Variants in NR2C2 observed in about 807,000 individuals in gnomAD.
NR2C2 encodes the protein Nuclear hormone receptor TR4.
A neutral mutation model predicts 62.9 loss-of-function variants in NR2C2; 6 were observed. That is an observed-to-expected ratio of 0.10 (90% CI 0.05 to 0.19). The LOEUF is 0.19. Among genes scored for constraint, NR2C2 ranks in the 10% least tolerant of loss-of-function variants. The pLI is 1.00. For missense variants in NR2C2, 479 were observed against 762.7 expected, an observed-to-expected ratio of 0.63 and a Z score of 4.38; for synonymous variants, 272 against 273.8, an observed-to-expected ratio of 0.99 and a Z score of 0.07.
rs1159601987 is a variant in NR2C2, at chr3:15,044,402, A to G, written c.*1394A>G. The stretch of plus-strand genomic sequence containing the variant: ...AAAACAACCCTCAATTTCCAGGGTG[A>G]TAGTCTTTCTCCTCATAAATTGTAG... On this transcript the variant is annotated 3_prime_UTR_variant, in exon 14 of 14. Coordinates refer to ENST00000425241, the MANE Select transcript of NR2C2 (RefSeq NM_001291694.2). 2 of 152,124 alleles carry G rather than the reference A, an allele frequency of 1.3e-5. No homozygotes were observed. Among genetic ancestry groups the G allele is most frequent in the African/African-American group, 2.4e-5 (1 of 41,438 alleles). 9.4% of individuals were successfully genotyped at this position (152,124 alleles called of 1,614,324 possible). A position where few individuals can be genotyped will look rare whatever the true frequency, so the allele number is the denominator to read the frequency against.
chr3:14,956,831 G>T (rs868066247), intron 1 of NR2C2, among the ~76,000 whole-genome samples: 1 of 152,222 alleles, frequency 6.6e-6, no homozygotes, highest in East Asian at 1.9e-4. Flanking sequence ...ATGAGCCACC[G>T]CCCCGGCTGT....
chr3:14,995,332 A>C (rs1190848361), intron 1 of NR2C2, among the ~76,000 whole-genome samples: 9 of 151,210 alleles, frequency 6.0e-5, no homozygotes, highest in Non-Finnish European at 4.4e-5. Context: ...AAAAAAAAAA[A>C]AAAAACCCCA....
At chr3:15,040,309 C>T (rs1309210089) in intron 13 of NR2C2, among the ~76,000 whole-genome samples, 1 of 152,224 alleles carries the variant, frequency 6.6e-6, no homozygotes, top group Non-Finnish European at 1.5e-5. Context: ...AACTTCTGAC[C>T]TACCAGAAGC....
intron 13 of NR2C2, 28 bp from the exon 14 acceptor site, chr3:15,042,806 C>G: frequency 6.2e-7 from 1 of 1,605,658 alleles, no homozygotes; most frequent in Non-Finnish European, 8.5e-7. Flanking sequence ...CAAACAGTCT[C>G]CTTTTCTAAT....
intron 1 of NR2C2, among the ~76,000 whole-genome samples, chr3:14,980,138 T>A (rs1361220921): frequency 6.6e-6 from 1 of 151,980 alleles, no homozygotes; most frequent in Admixed American, 6.5e-5. Flanking sequence ...AGATTCCTAC[T>A]CTTTTCCGGC....
intron 1 of NR2C2, among the ~76,000 whole-genome samples, chr3:14,967,207 C>T (rs1017210324): frequency 6.6e-6 from 1 of 151,908 alleles, no homozygotes; most frequent in Non-Finnish European, 1.5e-5. Flanking sequence ...GTAATTTATC[C>T]TCTTTCATTT....
chr3:14,973,749 T>G (rs1386988926), intron 1 of NR2C2, among the ~76,000 whole-genome samples: 1 of 152,226 alleles, frequency 6.6e-6, no homozygotes, highest in Non-Finnish European at 1.5e-5. Context: ...ATTCACAGAT[T>G]TATTTCTGGC....
At chr3:14,979,901 C>A (rs1239130782) in intron 1 of NR2C2, among the ~76,000 whole-genome samples, 1 of 152,030 alleles carries the variant, frequency 6.6e-6, no homozygotes, top group Non-Finnish European at 1.5e-5. Flanking sequence ...AATGACCTAT[C>A]TTTGGGGGTT....
chr3:14,960,998 T>C (rs926022066), intron 1 of NR2C2, among the ~76,000 whole-genome samples: 10 of 152,234 alleles, frequency 6.6e-5, no homozygotes, highest in African/African-American at 2.2e-4. Context: ...GTTTTTACCA[T>C]CTATTAAAAC....
intron 2 of NR2C2, among the ~76,000 whole-genome samples, chr3:15,011,331 T>C (rs1158370109): frequency 6.6e-6 from 1 of 152,072 alleles, no homozygotes; most frequent in African/African-American, 2.4e-5. Flanking sequence ...AAAGCGAGAC[T>C]CTTGTCTCAA....
Position 14,950,493 on chromosome 3 carries a change from C to T in NR2C2, c.-40+2587C>T, listed in dbSNP as rs150877337. 2.0e-3 allele frequency among the ~76,000 whole-genome samples: 310 copies of T among 151,498 alleles called. 4 individuals carry two copies. Among genetic ancestry groups the T allele is most frequent in the Admixed American group, 0.018 (273 of 15,180 alleles). On this transcript the variant is annotated intron_variant, in intron 1 of 13. Coordinates refer to ENST00000425241, the MANE Select transcript of NR2C2 (RefSeq NM_001291694.2). ...TGCTCTAGACACACTGGCCTACCTTCAACTTCCTTGACCAGTGTAGCTTAC... is the reference window on the plus strand; with the variant it reads ...TGCTCTAGACACACTGGCCTACCTTTAACTTCCTTGACCAGTGTAGCTTAC...
chr3:15,036,631 C>T (rs886147104), intron 11 of NR2C2, among the ~76,000 whole-genome samples: 1 of 152,134 alleles, frequency 6.6e-6, no homozygotes, highest in African/African-American at 2.4e-5. Context: ...CTGGGACTTA[C>T]AGGCATGTGC....
At chr3:15,012,250 G>T (rs2041376818) in intron 2 of NR2C2, among the ~76,000 whole-genome samples, 1 of 151,680 alleles carries the variant, frequency 6.6e-6, no homozygotes, top group African/African-American at 2.4e-5. Context: ...TTTGGAGACG[G>T]AGTTTCCCTT....
chr3:14,990,488 C>T (rs980971215), intron 1 of NR2C2, among the ~76,000 whole-genome samples: 2 of 152,178 alleles, frequency 1.3e-5, no homozygotes, highest in African/African-American at 2.4e-5. Context: ...CTTGACCTTC[C>T]GCAGAGCTGG....
rs1011387389 is a variant in NR2C2 at position 15,043,025 on chromosome 3, G to C, written c.*17G>C. Reference sequence around the variant, plus strand: ...AGTCTATAGCGCAAACCACACACCTGCCAAGGAGCAACAGAATCCTTCCAG... The same window carrying C: ...AGTCTATAGCGCAAACCACACACCTCCCAAGGAGCAACAGAATCCTTCCAG... On this transcript the variant is annotated 3_prime_UTR_variant, in exon 14 of 14. Transcript: ENST00000425241. 8 of 1,608,750 alleles carry C rather than the reference G, an allele frequency of 5.0e-6. 1 individual carries two copies. The highest frequency in any genetic ancestry group is 1.7e-5 in the Admixed American group (1 of 59,410).
chr3:14,986,657 TAA>T (rs1330488194), intron 1 of NR2C2, among the ~76,000 whole-genome samples: 2 of 152,234 alleles, frequency 1.3e-5, no homozygotes, highest in Admixed American at 1.3e-4. Flanking sequence ...TCTGATACTT[TAA>T]AAAAGACCTT....
chr3:14,975,623 T>C (rs2040182735), intron 1 of NR2C2, among the ~76,000 whole-genome samples: 1 of 152,218 alleles, frequency 6.6e-6, no homozygotes, highest in Non-Finnish European at 1.5e-5. Context: ...TGCTAGTATT[T>C]TGTTGAGGAT....
intron 1 of NR2C2, among the ~76,000 whole-genome samples, chr3:14,986,610 C>T (rs998629114): frequency 2.0e-5 from 3 of 152,194 alleles, no homozygotes; most frequent in South Asian, 2.1e-4. Flanking sequence ...AGAACATCTC[C>T]TTTCTTGAAA....
At chr3:15,029,792 AATAG>A (rs144596298) in intron 8 of NR2C2, among the ~76,000 whole-genome samples, 15,646 of 138,732 alleles carry the variant, frequency 0.11, 907 homozygotes, top group Admixed American at 0.15. Flanking sequence ...GTAAATAAAT[AATAG>A]ATAGATAGAT....
Sources: gnomAD v4.1 joint callset for allele counts (sites outside exome capture counted in the v4.1 genomes callset) on GRCh38, gnomAD v4.1.1 for gene constraint, MANE v1.5 for transcripts, NCBI Gene and HGNC (gene_info 2026-07-23, HGNC 2026-07-21) for gene names.